WWOX: variants seen among roughly 807,000 people sequenced by gnomAD.
The protein encoded by WWOX is WW domain containing oxidoreductase, also known as WW domain-containing oxidoreductase.
A neutral mutation model predicts 46.2 loss-of-function variants in WWOX; 69 were observed. That is an observed-to-expected ratio of 1.49 (90% CI 1.23 to 1.82). The LOEUF is 1.82. WWOX is among the 40% of genes most tolerant of loss of function. The probability of loss-of-function intolerance (pLI) is 0.00; values close to 1 mark genes in which losing one functional copy is unlikely to be tolerated. For synonymous variants in WWOX, 359 were observed against 202.6 expected (o/e 1.77, Z -6.56); for missense variants, 919 against 542.6 (o/e 1.69, Z -6.89).
chr16:78,349,395 G>T (rs1424929461), intron 5 of WWOX, among the ~76,000 whole-genome samples: 1 of 121,328 alleles, frequency 8.2e-6, no homozygotes, highest in African/African-American at 2.8e-5. Flanking sequence ...GCTAACAACA[G>T]TTGGGGATGA....
At chr16:78,543,774 C>A (rs536121261) in intron 8 of WWOX, among the ~76,000 whole-genome samples, 4 of 152,250 alleles carry the variant, frequency 2.6e-5, no homozygotes, top group African/African-American at 9.6e-5. Context: ...AATATACTGA[C>A]AATACACTGA....
At position 78,569,904 on chromosome 16, in the gene WWOX, A is replaced by C. The variant is rs116446949; in HGVS notation, c.1056+137152A>C. Among the ~76,000 whole-genome samples, 1,256 of 152,182 alleles carry C rather than the reference A, an allele frequency of 8.3e-3. 22 individuals carry two copies. Among genetic ancestry groups the C allele is most frequent in the African/African-American group, 0.029 (1,219 of 41,522 alleles). ...TCATCTTCCTTGATCATAAATACCC[A>C]TCGGTACCTCTTGTCACATGGTGCT... On this transcript the variant is annotated intron_variant, in intron 8 of 8. Transcript: ENST00000566780.
At chr16:78,704,943 G>C in intron 8 of WWOX, among the ~76,000 whole-genome samples, 1 of 149,644 alleles carries the variant, frequency 6.7e-6, no homozygotes, top group Non-Finnish European at 1.5e-5. Context: ...TTAAAGAGGA[G>C]GAAGCCTTAA....
chr16:78,199,326 AAC>A, intron 5 of WWOX, among the ~76,000 whole-genome samples: 1 of 151,988 alleles, frequency 6.6e-6, no homozygotes, highest in East Asian at 1.9e-4. Flanking sequence ...CAAACAAACA[AAC>A]AAACAAACAA....
chr16:78,565,164 G>T (rs1327839689), intron 8 of WWOX, among the ~76,000 whole-genome samples: 1 of 152,226 alleles, frequency 6.6e-6, no homozygotes, highest in Non-Finnish European at 1.5e-5. Flanking sequence ...GTGCCTCTAA[G>T]TTTGAAGTCT....
intron 8 of WWOX, among the ~76,000 whole-genome samples, chr16:78,997,005 C>T (rs1211718807): frequency 2.6e-5 from 4 of 152,218 alleles, no homozygotes; most frequent in African/African-American, 7.2e-5. Context: ...CTCAAATGTG[C>T]GTCTCTGGCA....
intron 8 of WWOX, among the ~76,000 whole-genome samples, chr16:78,904,912 C>T (rs565986995): frequency 2.6e-5 from 4 of 152,142 alleles, no homozygotes; most frequent in South Asian, 2.1e-4. Context: ...GTATTACATT[C>T]CTTTTCCCAG....
At chr16:78,808,294 C>A (rs923459326) in intron 8 of WWOX, among the ~76,000 whole-genome samples, 3 of 152,180 alleles carry the variant, frequency 2.0e-5, no homozygotes, top group African/African-American at 7.2e-5. Context: ...CCGTTTGCAA[C>A]CCAGGAACAA....
intron 8 of WWOX, among the ~76,000 whole-genome samples, chr16:78,622,032 T>A (rs962892327): frequency 2.6e-5 from 4 of 152,214 alleles, no homozygotes; most frequent in Non-Finnish European, 5.9e-5. Flanking sequence ...AAGTTTTGGC[T>A]ACCCAGTTGT....
chr16:78,800,451 T>C (rs1385938983), intron 8 of WWOX, among the ~76,000 whole-genome samples: 2 of 152,152 alleles, frequency 1.3e-5, no homozygotes, highest in African/African-American at 4.8e-5. Context: ...GCTATGAAAA[T>C]GGCCCCAAAT....
chr16:78,355,417 A>C (rs984945148), intron 5 of WWOX: 5 of 282,146 alleles, frequency 1.8e-5, no homozygotes, highest in African/African-American at 2.3e-5. Flanking sequence ...CCTGGCTAAC[A>C]CGGTGAAACC....
intron 8 of WWOX, among the ~76,000 whole-genome samples, chr16:78,546,037 C>T (rs1391702099): frequency 6.6e-6 from 1 of 152,144 alleles, no homozygotes; most frequent in Non-Finnish European, 1.5e-5. Flanking sequence ...CTGTAACATG[C>T]TCTATGCTGG....
At position 79,141,165 on chromosome 16, in the gene WWOX, C is replaced by T. The variant is rs150053786; in HGVS notation, c.1057-70443C>T. On this transcript the variant is annotated intron_variant, in intron 8 of 8. Transcript: ENST00000566780. The stretch of plus-strand genomic sequence containing the variant: ...TATCGGATTGCCTCCTTTGGAGAGG[C>T]TATTCAGAAACTCAAAAGAATGCAA... Among the ~76,000 whole-genome samples the T allele has an allele frequency of 4.3e-3, 657 of 152,314 alleles. 4 individuals carry two copies. The highest frequency in any genetic ancestry group is 0.015 in the African/African-American group (622 of 41,570).
intron 8 of WWOX, among the ~76,000 whole-genome samples, chr16:78,628,178 A>C (rs1298836879): frequency 2.6e-5 from 4 of 151,398 alleles, no homozygotes; most frequent in African/African-American, 9.8e-5. Flanking sequence ...GGATGCTTGG[A>C]ATTGTCATGG....
In WWOX at chr16:78,702,007, T is replaced by TTACATATATA. The variant is rs1491150899; in HGVS notation, c.1056+269257_1056+269258insCATATATATA. 6.9e-5 allele frequency among the ~76,000 whole-genome samples: 4 copies of TTACATATATA among 57,626 alleles called. No individual in the cohort carries two copies. The South Asian group carries it at 2.2e-3, about 32-fold the overall frequency. The allele number at this position is 57,626 out of a possible 152,430, so 37.8% of individuals were successfully genotyped here. The stretch of plus-strand genomic sequence containing the variant: ...GGAGACTAGCCTGGGCTACATAAAA[T>TTACATATATA]TATATATATATATATATATATATAT... On this transcript the variant is annotated intron_variant, in intron 8 of 8. Coordinates refer to ENST00000566780, the MANE Select transcript of WWOX (RefSeq NM_016373.4).
At position 78,691,852 on chromosome 16, in the gene WWOX, C is replaced by T. The variant is rs929773651; in HGVS notation, c.1056+259100C>T. On this transcript the variant is annotated intron_variant, in intron 8 of 8. Coordinates refer to ENST00000566780, the MANE Select transcript of WWOX (RefSeq NM_016373.4). ...CAAATCTCAACTTGAATTGTATCTG[C>T]CAGAATTCCCACATGTTGTGGGAGG... Among the ~76,000 whole-genome samples the T allele has an allele frequency of 5.9e-5, 9 of 152,274 alleles. No homozygotes were observed. In the East Asian group the frequency reaches 1.5e-3, roughly 26 times the overall value.
At chr16:78,340,367 A>G (rs1399490509) in intron 5 of WWOX, among the ~76,000 whole-genome samples, 4 of 117,326 alleles carry the variant, frequency 3.4e-5, no homozygotes, top group South Asian at 5.1e-4. Context: ...GAACTAATTT[A>G]TTTTTATTTT....
intron 8 of WWOX, among the ~76,000 whole-genome samples, chr16:78,761,968 T>A (rs1033367821): frequency 1.3e-5 from 2 of 152,152 alleles, no homozygotes; most frequent in African/African-American, 4.8e-5. Context: ...TAGGAAATGT[T>A]TGAGAAACTG....
chr16:78,309,772 A>T (rs1015560706), intron 5 of WWOX, among the ~76,000 whole-genome samples: 1 of 152,212 alleles, frequency 6.6e-6, no homozygotes, highest in African/African-American at 2.4e-5. Context: ...TGAAAGGATG[A>T]TGGGAGATGT....
Sources: allele counts gnomAD v4.1 joint callset (sites outside exome capture counted in the v4.1 genomes callset), GRCh38; gene constraint gnomAD v4.1.1; transcripts MANE v1.5; gene names NCBI Gene and HGNC (gene_info 2026-07-23, HGNC 2026-07-21).